Variants in SHANK2 observed in about 807,000 individuals in gnomAD.
SHANK2 encodes SH3 and multiple ankyrin repeat domains protein 2.
SHANK2 carries 43 observed loss-of-function variants against 133.7 expected under a neutral mutation model. That is an observed-to-expected ratio of 0.32 (90% CI 0.25 to 0.41). The LOEUF (loss-of-function observed/expected upper bound fraction) is 0.41. Ranked by LOEUF, SHANK2 falls within the 10% of genes least tolerant of loss-of-function variation. SHANK2 has a pLI of 1.00. For synonymous variants in SHANK2, 1,017 were observed against 952.8 expected (o/e 1.07, Z -1.24); for missense variants, 1,994 against 2,235.8 (o/e 0.89, Z 2.18).
At chr11:70,691,369 C>G (rs559243212) in intron 15 of SHANK2, among the ~76,000 whole-genome samples, 1 of 152,250 alleles carries the variant, frequency 6.6e-6, no homozygotes, top group South Asian at 2.1e-4. Context: ...CGTTTAGGCA[C>G]TGGGAGGGCT....
chr11:71,060,820 C>T (rs1421763064), intron 9 of SHANK2, among the ~76,000 whole-genome samples: 1 of 152,242 alleles, frequency 6.6e-6, no homozygotes, highest in Non-Finnish European at 1.5e-5. Flanking sequence ...TCTGCAAGAG[C>T]ATGCAGCAGC....
chr11:70,704,062 G>C (rs782815258), intron 14 of SHANK2, among the ~76,000 whole-genome samples: 2 of 152,244 alleles, frequency 1.3e-5, no homozygotes, highest in Non-Finnish European at 2.9e-5. Context: ...CACGCCTCAG[G>C]CCACAGAGGG....
intron 17 of SHANK2, among the ~76,000 whole-genome samples, chr11:70,533,601 T>G (rs1361473939): frequency 6.6e-6 from 1 of 152,220 alleles, no homozygotes; most frequent in Non-Finnish European, 1.5e-5. Context: ...CCCCAATGAC[T>G]GGCTCCCATC....
chr11:70,483,931 G>T (rs1468843074), intron 25 of SHANK2, among the ~76,000 whole-genome samples: 8 of 152,126 alleles, frequency 5.3e-5, no homozygotes, highest in African/African-American at 1.7e-4. Flanking sequence ...GGAAAATTGG[G>T]GCTCTCAGTC....
At chr11:71,068,899 A>G (rs1335702625) in intron 9 of SHANK2, among the ~76,000 whole-genome samples, 1 of 151,424 alleles carries the variant, frequency 6.6e-6, no homozygotes, top group Non-Finnish European at 1.5e-5. Flanking sequence ...CATCACCACC[A>G]CCATCATCAC....
Position 70,835,960 on chromosome 11 carries a change from G to A in SHANK2, c.1175-15278C>T, listed in dbSNP as rs538395010. ...GGGCACCCCGAGCCCACTGCACCCC[G>A]AGCAGGGCAGCAGCTCTCCCTGTCT... On this transcript the variant is annotated intron_variant, in intron 11 of 25. Transcript: ENST00000601538. Among the ~76,000 whole-genome samples the A allele has an allele frequency of 4.6e-3, 694 of 152,220 alleles. 5 individuals carry two copies. The highest frequency in any genetic ancestry group is 8.1e-3 in the Non-Finnish European group (550 of 67,984).
At chr11:70,596,996 C>T (rs73523827) in intron 17 of SHANK2, among the ~76,000 whole-genome samples, 3,376 of 152,060 alleles carry the variant, frequency 0.022, 123 homozygotes, top group African/African-American at 0.077. Context: ...ACTTGTGCAC[C>T]GGTGCTCGGG....
intron 17 of SHANK2, among the ~76,000 whole-genome samples, chr11:70,577,903 G>A (rs1554984634): frequency 6.6e-6 from 1 of 152,218 alleles, no homozygotes; most frequent in Non-Finnish European, 1.5e-5. Context: ...CCTTTAAGGA[G>A]ATGAGGACAC....
At chr11:70,905,563 CT>C (rs1950089553) in intron 10 of SHANK2, among the ~76,000 whole-genome samples, 1 of 152,114 alleles carries the variant, frequency 6.6e-6, no homozygotes, top group Admixed American at 6.5e-5. Context: ...GAGCTGGGGC[CT>C]TTGGGAGGTA....
chr11:71,096,638 C>T (rs1312451643), intron 6 of SHANK2, among the ~76,000 whole-genome samples: 8 of 152,184 alleles, frequency 5.3e-5, no homozygotes, highest in South Asian at 2.1e-4. Flanking sequence ...CCACCAATAT[C>T]GACGCTGAAC....
At chr11:71,095,354 C>T (rs544396811) in intron 6 of SHANK2, among the ~76,000 whole-genome samples, 4 of 152,222 alleles carry the variant, frequency 2.6e-5, no homozygotes, top group African/African-American at 4.8e-5. Context: ...TGGCTAAGGA[C>T]GTCAGTGTCT....
intron 2 of SHANK2, among the ~76,000 whole-genome samples, chr11:71,160,386 C>T (rs1952990034): frequency 6.6e-6 from 1 of 152,140 alleles, no homozygotes; most frequent in Non-Finnish European, 1.5e-5. Context: ...AGAGGTAATT[C>T]AGGTTATGAG....
chr11:70,567,027 G>C (rs569159621), intron 17 of SHANK2, among the ~76,000 whole-genome samples: 6 of 152,164 alleles, frequency 3.9e-5, no homozygotes, highest in Non-Finnish European at 8.8e-5. Flanking sequence ...TCCCCTCGAG[G>C]CTGGAGGAAT....
chr11:71,241,079 A>G (rs2135806149), intron 1 of SHANK2, among the ~76,000 whole-genome samples: 1 of 152,310 alleles, frequency 6.6e-6, no homozygotes, highest in African/African-American at 2.4e-5. Flanking sequence ...CCCCTGGGAA[A>G]GCAATTTGAG....
intron 17 of SHANK2, among the ~76,000 whole-genome samples, chr11:70,644,353 C>T (rs1296243515): frequency 6.6e-6 from 1 of 152,166 alleles, no homozygotes; most frequent in Non-Finnish European, 1.5e-5. Flanking sequence ...CCGACACCCA[C>T]CATCCTACTT....
At position 71,118,970 on chromosome 11, in the gene SHANK2, T is replaced by C. The variant is rs374839735; in HGVS notation, c.270A>G (p.Thr90=). 1.3e-6 allele frequency: 2 copies of C among 1,551,764 alleles called. No homozygotes were observed. Among genetic ancestry groups the C allele is most frequent in the African/African-American group, 1.4e-5 (1 of 73,184 alleles). ...GGACATCTTTCAAACTCTGGGTTAA[T>C]GTACACAGGATCCGCTGCTTTGCAA... ...VWVAKQRILC[T]LTQSLKDVLN... is the part of the protein sequence containing the mutation. Residue 90 remains threonine (T), a synonymous_variant, in exon 4 of 26, where the codon ACA becomes ACG. Transcript: ENST00000601538.
chr11:70,708,056 C>G (rs916243282), intron 14 of SHANK2, among the ~76,000 whole-genome samples: 3 of 152,232 alleles, frequency 2.0e-5, no homozygotes, highest in Non-Finnish European at 4.4e-5. Context: ...TGGAGGGAGG[C>G]ATGTGCTTCC....
intron 15 of SHANK2, among the ~76,000 whole-genome samples, chr11:70,678,816 C>T (rs1285194565): frequency 6.6e-6 from 1 of 152,206 alleles, no homozygotes; most frequent in Non-Finnish European, 1.5e-5. Flanking sequence ...GCTAGGATTA[C>T]AGGCATGACC....
chr11:70,823,066 G>A (rs1229018145), intron 11 of SHANK2, among the ~76,000 whole-genome samples: 5 of 87,150 alleles, frequency 5.7e-5, no homozygotes, highest in Admixed American at 1.2e-4. Flanking sequence ...CAGAGGTGGC[G>A]CTGGCAGAGC....
Sources: allele counts gnomAD v4.1 joint callset (sites outside exome capture counted in the v4.1 genomes callset), GRCh38; gene constraint gnomAD v4.1.1; transcripts MANE v1.5; gene names NCBI Gene and HGNC (gene_info 2026-07-23, HGNC 2026-07-21).